MYO3B: variants seen among roughly 807,000 people sequenced by gnomAD.
MYO3B encodes myosin IIIB.
MYO3B carries 156 observed loss-of-function variants against 174.6 expected under a neutral mutation model. The ratio of observed to expected loss-of-function variants is 0.89; its 90% CI spans 0.78 to 1.02. MYO3B has a LOEUF of 1.02. Ranked by LOEUF, MYO3B falls within the 50% of genes least tolerant of loss-of-function variation. The pLI, the probability that MYO3B is intolerant of heterozygous loss-of-function variation, is 0.00. For synonymous variants in MYO3B, 563 were observed against 569.1 expected (o/e 0.99, Z 0.15); for missense variants, 1,632 against 1,639.4 (o/e 1.00, Z 0.08).
chr2:170,178,169 G>T lies in MYO3B; in HGVS notation c.-119G>T, dbSNP rs990523458. 6.5e-6 allele frequency: 8 copies of T among 1,229,120 alleles called. No homozygotes were observed. The highest frequency in any genetic ancestry group is 1.5e-5 in the African/African-American group (1 of 67,306). The allele number at this position is 1,229,120 out of a possible 1,614,324, so 76.1% of individuals were successfully genotyped here. A position where few individuals can be genotyped will look rare whatever the true frequency, so the allele number is the denominator to read the frequency against. On this transcript the variant is annotated 5_prime_UTR_variant, in exon 1 of 35. It removes an upstream start codon present in the reference 5' UTR. Coordinates refer to ENST00000408978, the MANE Select transcript of MYO3B (RefSeq NM_138995.5). ...CCTAGATCGAAAGTCCTTTGGTAAT[G>T]ATGTGTCATACATTCTAGTCATCAA...
chr2:170,354,663 C>A lies in MYO3B; in HGVS notation c.816-14559C>A, dbSNP rs13421422. Among the ~76,000 whole-genome samples the A allele has an allele frequency of 9.1e-3, 1,387 of 152,286 alleles. 22 individuals are homozygous for A. Among genetic ancestry groups the A allele is most frequent in the African/African-American group, 0.032 (1,338 of 41,560 alleles). On this transcript the variant is annotated intron_variant, in intron 8 of 34. Transcript: ENST00000408978. Reference sequence around the variant, plus strand: ...CTTGGGAACATGTGTTGGTTGCCTGCAACGTCTGTGCTTTACTTTGCAAGG... The same window carrying A: ...CTTGGGAACATGTGTTGGTTGCCTGAAACGTCTGTGCTTTACTTTGCAAGG...
chr2:170,317,361 A>T (rs1401246057), intron 7 of MYO3B, among the ~76,000 whole-genome samples: 2 of 152,182 alleles, frequency 1.3e-5, no homozygotes, highest in Non-Finnish European at 2.9e-5. Context: ...TAAAATGCAG[A>T]TTCCTGGGCC....
chr2:170,331,982 C>T (rs2093915050), intron 7 of MYO3B: 1 of 152,190 alleles, frequency 6.6e-6, no homozygotes, highest in African/African-American at 2.4e-5. Flanking sequence ...CCAAGACAAC[C>T]TCCCCGTCTC....
chr2:170,503,639 T>C (rs953029673), intron 28 of MYO3B, among the ~76,000 whole-genome samples: 4 of 74,866 alleles, frequency 5.3e-5, no homozygotes, highest in Non-Finnish European at 8.3e-5. Context: ...CACATTTCTT[T>C]AAGGGTGCCG....
At chr2:170,288,680 T>G (rs1337561967) in intron 7 of MYO3B, among the ~76,000 whole-genome samples, 1 of 152,116 alleles carries the variant, frequency 6.6e-6, no homozygotes, top group Non-Finnish European at 1.5e-5. Context: ...CTAATTTGAC[T>G]TCTTCCTTTC....
intron 23 of MYO3B, among the ~76,000 whole-genome samples, chr2:170,450,897 T>C (rs962308492): frequency 1.3e-5 from 2 of 152,204 alleles, no homozygotes; most frequent in East Asian, 1.9e-4. Context: ...GTTTGAGCTA[T>C]AGAAAAATAC....
intron 23 of MYO3B, among the ~76,000 whole-genome samples, chr2:170,448,911 A>G (rs569947373): frequency 9.2e-5 from 14 of 152,124 alleles, no homozygotes; most frequent in Non-Finnish European, 1.9e-4. Context: ...TGGCTTGATT[A>G]TTTGCATAAA....
At chr2:170,489,729 G>T (rs1046039155) in intron 25 of MYO3B, among the ~76,000 whole-genome samples, 1 of 151,558 alleles carries the variant, frequency 6.6e-6, no homozygotes, top group African/African-American at 2.4e-5. Flanking sequence ...GTACAGTCTA[G>T]AGACAGAATC....
intron 22 of MYO3B, among the ~76,000 whole-genome samples, chr2:170,414,064 T>C (rs1479915433): frequency 2.6e-5 from 4 of 152,028 alleles, no homozygotes; most frequent in Admixed American, 6.5e-5. Context: ...ATAAAATAAC[T>C]ATCCTTTCTC....
chr2:170,594,378 C>G (rs142772896), intron 32 of MYO3B, among the ~76,000 whole-genome samples: 2 of 152,240 alleles, frequency 1.3e-5, no homozygotes, highest in African/African-American at 4.8e-5. Context: ...AGGAGAGACT[C>G]TAGGCTTGCA....
intron 7 of MYO3B, among the ~76,000 whole-genome samples, chr2:170,250,689 T>C (rs1284593855): frequency 6.6e-6 from 1 of 152,142 alleles, no homozygotes; most frequent in Non-Finnish European, 1.5e-5. Context: ...TTGTCCAGTG[T>C]CCCGGAAGAA....
At chr2:170,465,657 G>A (rs1684576362) in intron 24 of MYO3B, among the ~76,000 whole-genome samples, 1 of 152,144 alleles carries the variant, frequency 6.6e-6, no homozygotes, top group Admixed American at 6.5e-5. Context: ...CAGCAGAAAA[G>A]CCTCTGGCTA....
At chr2:170,362,011 G>A (rs2094165149) in intron 8 of MYO3B, among the ~76,000 whole-genome samples, 1 of 152,174 alleles carries the variant, frequency 6.6e-6, no homozygotes, top group South Asian at 2.1e-4. Context: ...AGGTTTCACT[G>A]AGGCTGCAAC....
At chr2:170,228,290 A>C (rs937211923) in intron 6 of MYO3B, among the ~76,000 whole-genome samples, 5 of 152,180 alleles carry the variant, frequency 3.3e-5, no homozygotes, top group African/African-American at 1.2e-4. Context: ...GATTTCAGAC[A>C]AATCAACTGA....
chr2:170,354,999 A>G (rs368928396), intron 8 of MYO3B, among the ~76,000 whole-genome samples: 1 of 152,286 alleles, frequency 6.6e-6, no homozygotes, highest in East Asian at 1.9e-4. Context: ...CTAAAATCAC[A>G]CAGAAGCAGC....
At chr2:170,614,156 T>C (rs1226057594) in intron 32 of MYO3B, among the ~76,000 whole-genome samples, 2 of 152,146 alleles carry the variant, frequency 1.3e-5, no homozygotes, top group African/African-American at 4.8e-5. Flanking sequence ...GCATGGACTT[T>C]GGTGCCAAAT....
At chr2:170,421,493 C>G (rs2094614529) in intron 22 of MYO3B, among the ~76,000 whole-genome samples, 1 of 152,218 alleles carries the variant, frequency 6.6e-6, no homozygotes, top group South Asian at 2.1e-4. Flanking sequence ...CAACTTCCCT[C>G]TTGGAACGTG....
At chr2:170,622,297 T>C (rs922971604) in intron 32 of MYO3B, among the ~76,000 whole-genome samples, 3 of 152,172 alleles carry the variant, frequency 2.0e-5, no homozygotes, top group Non-Finnish European at 4.4e-5. Context: ...CCTTTCACAA[T>C]GTGAGGATAT....
At chr2:170,636,117 C>A (rs1038251804) in intron 32 of MYO3B, among the ~76,000 whole-genome samples, 105 of 152,310 alleles carry the variant, frequency 6.9e-4, no homozygotes, top group Non-Finnish European at 1.0e-4. Context: ...TTAGATCTGA[C>A]ATATTCCAGT....
Sources: allele counts gnomAD v4.1 joint callset (sites outside exome capture counted in the v4.1 genomes callset), GRCh38; gene constraint gnomAD v4.1.1; transcripts MANE v1.5; gene names NCBI Gene and HGNC (gene_info 2026-07-23, HGNC 2026-07-21).